PREX2: variants seen among roughly 807,000 people sequenced by gnomAD.
PREX2 encodes phosphatidylinositol 3,4,5-trisphosphate-dependent Rac exchanger 2 protein.
A neutral mutation model predicts 203.2 loss-of-function variants in PREX2; 107 were observed. The ratio of observed to expected loss-of-function variants is 0.53; its 90% CI spans 0.45 to 0.62. The LOEUF is 0.62. Among genes scored for constraint, PREX2 ranks in the 20% least tolerant of loss-of-function variants. PREX2 has a pLI of 0.00. For missense variants in PREX2, 1,777 were observed against 1,955.9 expected (o/e 0.91, Z 1.72); for synonymous variants, 672 against 663.6 (o/e 1.01, Z -0.19).
At chr8:68,019,094 C>A (rs1225054247) in intron 2 of PREX2, among the ~76,000 whole-genome samples, 1 of 152,246 alleles carries the variant, frequency 6.6e-6, no homozygotes, top group Non-Finnish European at 1.5e-5. Flanking sequence ...TCCAGCTAAT[C>A]ACTGCCATCC....
At chr8:68,059,833 G>T (rs13282595) in intron 10 of PREX2, among the ~76,000 whole-genome samples, 45,075 of 151,996 alleles carry the variant, frequency 0.3, 6,853 homozygotes, top group Admixed American at 0.32. Flanking sequence ...TGTCAGCCAA[G>T]GGTTGCTCTC....
chr8:68,191,534 G>A (rs1585854915), intron 35 of PREX2, among the ~76,000 whole-genome samples, 188 bp from the exon 36 acceptor site: 1 of 152,158 alleles, frequency 6.6e-6, no homozygotes, highest in East Asian at 1.9e-4. Context: ...TAATAGACCC[G>A]GTGGTAATTT....
chr8:68,053,320 C>T (rs1216784267), intron 9 of PREX2, 74 bp downstream of exon 9: 1 of 1,493,404 alleles, frequency 6.7e-7, no homozygotes, highest in Non-Finnish European at 9.2e-7. Flanking sequence ...AATGGGAAAA[C>T]ATGAGAAAAT....
At chr8:68,184,792 GT>G (rs1404437323) in intron 35 of PREX2, among the ~76,000 whole-genome samples, 5 of 152,080 alleles carry the variant, frequency 3.3e-5, no homozygotes, top group Admixed American at 6.6e-5. Flanking sequence ...TGCCATTTTT[GT>G]CACTGATTTA....
At chr8:68,174,280 T>A (rs1811937624) in intron 35 of PREX2, among the ~76,000 whole-genome samples, 1 of 152,160 alleles carries the variant, frequency 6.6e-6, no homozygotes. Context: ...TTAGAAGAAA[T>A]TAATATGGAT....
In PREX2 at chr8:68,197,037, T is replaced by A. The variant is rs191764041; in HGVS notation, c.4604+4512T>A. Among the ~76,000 whole-genome samples, 4 of 152,232 alleles carry A rather than the reference T, an allele frequency of 2.6e-5. No homozygotes were observed. In the East Asian group the frequency reaches 7.7e-4, roughly 29 times the overall value. ...AAGTACTGGCAGATTCGGTGTCTGG[T>A]GAGAGTCCTGGTTTCTGCTTCCAAG... On this transcript the variant is annotated intron_variant, in intron 37 of 39. Transcript: ENST00000288368.
chr8:67,984,216 G>T (rs574230552), intron 1 of PREX2, among the ~76,000 whole-genome samples: 1 of 152,170 alleles, frequency 6.6e-6, no homozygotes, highest in South Asian at 2.1e-4. Flanking sequence ...ATAAATATTT[G>T]TGCAGCACAC....
chr8:68,151,579 T>TGTG (rs1811436012), intron 34 of PREX2, among the ~76,000 whole-genome samples: 1 of 152,182 alleles, frequency 6.6e-6, no homozygotes, highest in African/African-American at 2.4e-5. Context: ...CTCTCAGGAA[T>TGTG]GTGGCATCAT....
intron 12 of PREX2, 136 bp from the exon 13 acceptor site, chr8:68,069,699 G>A: frequency 2.2e-6 from 1 of 460,512 alleles, no homozygotes; most frequent in Admixed American, 3.7e-5. Context: ...CATGATATTT[G>A]AATAATTTTT....
chr8:68,174,882 C>G (rs1031915095), intron 35 of PREX2, among the ~76,000 whole-genome samples: 1 of 152,192 alleles, frequency 6.6e-6, no homozygotes, highest in African/African-American at 2.4e-5. Flanking sequence ...GACGGGTCTT[C>G]CTAGCTCCTT....
intron 35 of PREX2, among the ~76,000 whole-genome samples, chr8:68,167,435 G>A (rs1811786344): frequency 6.6e-6 from 1 of 151,514 alleles, no homozygotes; most frequent in African/African-American, 2.4e-5. Flanking sequence ...CCAGGTTCAA[G>A]CTATTCTCCT....
chr8:67,972,408 C>T (rs2129019274), intron 1 of PREX2, among the ~76,000 whole-genome samples: 1 of 152,368 alleles, frequency 6.6e-6, no homozygotes, highest in Non-Finnish European at 1.5e-5. Context: ...TGTGTAAATT[C>T]TGTCCCAAAG....
chr8:68,223,123 G>A (rs370732307), intron 38 of PREX2, among the ~76,000 whole-genome samples: 15 of 152,268 alleles, frequency 9.9e-5, no homozygotes, highest in East Asian at 7.7e-4. Context: ...AACAAGATGC[G>A]CAGTTTAGTT....
intron 35 of PREX2, among the ~76,000 whole-genome samples, chr8:68,176,305 A>G (rs1214270526): frequency 2.0e-5 from 3 of 152,208 alleles, no homozygotes; most frequent in African/African-American, 2.4e-5. Flanking sequence ...ATGAAAAAAT[A>G]TAGAAATATG....
intron 1 of PREX2, among the ~76,000 whole-genome samples, chr8:67,956,564 T>C (rs1443116982): frequency 1.3e-5 from 2 of 152,244 alleles, no homozygotes; most frequent in African/African-American, 4.8e-5. Context: ...CACAGCCCCC[T>C]GCTTTTTGAA....
chr8:67,967,198 G>A (rs933682940), intron 1 of PREX2, among the ~76,000 whole-genome samples: 2 of 152,154 alleles, frequency 1.3e-5, no homozygotes, highest in African/African-American at 2.4e-5. Flanking sequence ...TAAATCTTCA[G>A]TGTAGTGATA....
intron 32 of PREX2, among the ~76,000 whole-genome samples, 166 bp downstream of exon 32, chr8:68,134,442 A>G (rs939229593): frequency 6.6e-6 from 1 of 152,190 alleles, no homozygotes; most frequent in African/African-American, 2.4e-5. Flanking sequence ...TCAAATTTTA[A>G]TAAGTATGTA....
chr8:68,032,351 G>A (rs970835829), intron 6 of PREX2, among the ~76,000 whole-genome samples: 3 of 152,124 alleles, frequency 2.0e-5, no homozygotes, highest in African/African-American at 7.2e-5. Context: ...GAGGCACAGG[G>A]GAGATAATAT....
rs752082482 is a variant in PREX2 at position 67,952,360 on chromosome 8, G to A, written c.-35G>A. ...GGGCGCGCGGGTCAGCGCTCAGCAC[G>A]GCGGGCAGCGCCGCGCTGCGCACCG... On this transcript the variant is annotated 5_prime_UTR_variant, in exon 1 of 40. Transcript: ENST00000288368. 6.7e-7 allele frequency: 1 copy of A among 1,487,980 alleles called. No individual in the cohort carries two copies. The highest frequency in any genetic ancestry group is 8.9e-7 in the Non-Finnish European group (1 of 1,121,770). 92.2% of individuals were successfully genotyped at this position (1,487,980 alleles called of 1,614,324 possible).
Sources: allele counts gnomAD v4.1 joint callset (sites outside exome capture counted in the v4.1 genomes callset), GRCh38; gene constraint gnomAD v4.1.1; transcripts MANE v1.5; gene names NCBI Gene and HGNC (gene_info 2026-07-23, HGNC 2026-07-21).